Variants in IQCH observed in about 807,000 individuals in gnomAD.
IQCH encodes IQ motif containing H, also known as IQ domain-containing protein H.
In IQCH, 98 loss-of-function variants were observed where a neutral mutation model predicts 117.0. The ratio of observed to expected loss-of-function variants is 0.84; its 90% CI spans 0.71 to 0.99. IQCH has a LOEUF of 0.99. Among genes scored for constraint, IQCH ranks in the 50% least tolerant of loss-of-function variants. The probability of loss-of-function intolerance (pLI) is 0.00; values close to 1 mark genes in which losing one functional copy is unlikely to be tolerated. For synonymous variants in IQCH, 412 were observed against 448.2 expected (o/e 0.92, Z 1.02); for missense variants, 1,102 against 1,243.8 (o/e 0.89, Z 1.72).
Position 67,370,865 on chromosome 15 carries a change from T to G in IQCH, c.754-1246T>G, listed in dbSNP as rs1044875607. 6.6e-6 allele frequency among the ~76,000 whole-genome samples: 1 copy of G among 152,070 alleles called. No individual in the cohort carries two copies. Among genetic ancestry groups the G allele is most frequent in the African/African-American group, 2.4e-5 (1 of 41,410 alleles). Reference sequence around the variant, plus strand: ...CTTGAGATGGCAGTCTAATTAATTATTGTGCGGCCCAGGACCGGAGAAAAG... The same window carrying G: ...CTTGAGATGGCAGTCTAATTAATTAGTGTGCGGCCCAGGACCGGAGAAAAG... On this transcript the variant is annotated intron_variant, in intron 8 of 20. Transcript: ENST00000335894. This position sits in a 1 kb window ranked among gnomAD's most constrained non-coding sequence, Gnocchi z 5.6.
chr15:67,495,316 A>G (rs2083775839), intron 20 of IQCH, among the ~76,000 whole-genome samples: 1 of 152,234 alleles, frequency 6.6e-6, no homozygotes, highest in Non-Finnish European at 1.5e-5. Flanking sequence ...CAAATGTTAC[A>G]TCAGTGTTCA....
rs1309421050 is a variant in IQCH, at chr15:67,385,261, T to C, written c.1456+242T>C. On this transcript the variant is annotated intron_variant, in intron 11 of 20. Coordinates refer to ENST00000335894, the MANE Select transcript of IQCH (RefSeq NM_001031715.3). This position sits in a 1 kb window ranked among gnomAD's most constrained non-coding sequence, Gnocchi z 4.6. ...TTTACTTGGGCAGTTTTCTAGATTA[T>C]CTTTGCTGCAGGTTTGGATCAGAAT... Among the ~76,000 whole-genome samples, 6 of 152,174 alleles carry C rather than the reference T, an allele frequency of 3.9e-5. No individual in the cohort carries two copies. Among genetic ancestry groups the C allele is most frequent in the Admixed American group, 1.3e-4 (2 of 15,266 alleles).
At chr15:67,409,652 A>G (rs1212224760) in intron 14 of IQCH, among the ~76,000 whole-genome samples, 2 of 152,232 alleles carry the variant, frequency 1.3e-5, no homozygotes, top group Non-Finnish European at 2.9e-5. Flanking sequence ...CATTCTGTTT[A>G]ATGAGAGCCG....
chr15:67,423,877 AAAGG>A (rs897680241), intron 16 of IQCH, among the ~76,000 whole-genome samples: 9 of 152,062 alleles, frequency 5.9e-5, no homozygotes, highest in African/African-American at 2.2e-4. Flanking sequence ...AGAAAAGAAA[AAAGG>A]AAGAAGGAGA....
intron 4 of IQCH, among the ~76,000 whole-genome samples, chr15:67,322,975 G>A (rs1469137771): frequency 2.0e-5 from 3 of 152,208 alleles, no homozygotes; most frequent in Non-Finnish European, 4.4e-5. Flanking sequence ...GTAGGTGTAT[G>A]TAAAATAGGT....
rs1054164133 is a variant in IQCH, at chr15:67,407,687, G to A, written c.2097+7382G>A. 4 of 152,156 alleles carry A rather than the reference G, an allele frequency of 2.6e-5. No homozygotes were observed. Among genetic ancestry groups the A allele is most frequent in the Admixed American group, 2.0e-4 (3 of 15,272 alleles). The allele number at this position is 152,156 out of a possible 1,614,324, so 9.4% of individuals were successfully genotyped here. A position where few individuals can be genotyped will look rare whatever the true frequency, so the allele number is the denominator to read the frequency against. Reference sequence around the variant, plus strand: ...CTTACAAAGTACCCTTTGATTTTCTGTCACACGTTAATTACAGCGTTTTGC... The same window carrying A: ...CTTACAAAGTACCCTTTGATTTTCTATCACACGTTAATTACAGCGTTTTGC... On this transcript the variant is annotated intron_variant, in intron 14 of 20. Transcript: ENST00000335894. The surrounding 1 kb of genome is among the most constrained non-coding windows in gnomAD (Gnocchi z 5.3).
intron 3 of IQCH, among the ~76,000 whole-genome samples, chr15:67,271,884 G>C (rs1302929760): frequency 6.6e-6 from 1 of 151,578 alleles, no homozygotes; most frequent in Non-Finnish European, 1.5e-5. Flanking sequence ...TAATTTTGTT[G>C]ATCTTCTGTA....
chr15:67,270,989 C>G (rs1398596518), intron 3 of IQCH, among the ~76,000 whole-genome samples: 1 of 152,200 alleles, frequency 6.6e-6, no homozygotes, highest in Non-Finnish European at 1.5e-5. Flanking sequence ...ATGAATCTCA[C>G]TTGAAGTCTC....
intron 6 of IQCH, among the ~76,000 whole-genome samples, chr15:67,346,585 T>G (rs139835316): frequency 6.6e-6 from 1 of 152,172 alleles, no homozygotes; most frequent in Admixed American, 6.5e-5. Context: ...ATGGTAATGC[T>G]TGCTCACCTG....
chr15:67,485,846 T>C (rs994151555), intron 18 of IQCH, among the ~76,000 whole-genome samples: 4 of 151,452 alleles, frequency 2.6e-5, no homozygotes, highest in East Asian at 1.9e-4. Context: ...TTTGGTAGAA[T>C]TGGGGTTTCA....
chr15:67,333,381 C>A (rs1234776146), intron 4 of IQCH, among the ~76,000 whole-genome samples: 1 of 152,184 alleles, frequency 6.6e-6, no homozygotes, highest in African/African-American at 2.4e-5. Context: ...ATTTTTAATT[C>A]AGAGAAATCT....
At chr15:67,470,542 C>G (rs2083046960) in intron 17 of IQCH, among the ~76,000 whole-genome samples, 1 of 152,072 alleles carries the variant, frequency 6.6e-6, no homozygotes, top group African/African-American at 2.4e-5. Flanking sequence ...CACAGATTTC[C>G]AAGCAAATAA....
At chr15:67,423,508 T>G (rs1432909236) in intron 16 of IQCH, among the ~76,000 whole-genome samples, 1 of 148,884 alleles carries the variant, frequency 6.7e-6, no homozygotes, top group Non-Finnish European at 1.5e-5. Context: ...CACTGTAGCC[T>G]CAACCTCCCA....
Position 67,465,819 on chromosome 15 carries a change from G to A in IQCH, c.2676+522G>A, listed in dbSNP as rs1057481880. Reference sequence around the variant, plus strand: ...CAGCAAGCAGGGCGTGTTGAGTCTAGCTACGAAAATGCCACTAACCTGACC... The same window carrying A: ...CAGCAAGCAGGGCGTGTTGAGTCTAACTACGAAAATGCCACTAACCTGACC... On this transcript the variant is annotated intron_variant, in intron 17 of 20. Coordinates refer to ENST00000335894, the MANE Select transcript of IQCH (RefSeq NM_001031715.3). The surrounding 1 kb of genome is among the most constrained non-coding windows in gnomAD (Gnocchi z 5.9). 6.6e-6 allele frequency among the ~76,000 whole-genome samples: 1 copy of A among 152,162 alleles called. No homozygotes were observed. The highest frequency in any genetic ancestry group is 2.4e-5 in the African/African-American group (1 of 41,424).
In IQCH at chr15:67,500,740, G is replaced by T. The variant is rs751871667; in HGVS notation, c.3078G>T (p.Lys1026Asn). 2.6e-6 allele frequency: 4 copies of T among 1,537,206 alleles called. No homozygotes were observed. Among genetic ancestry groups the T allele is most frequent in the Non-Finnish European group, 3.6e-6 (4 of 1,118,710 alleles). The change falls in exon 21 of 21, where the codon AAG becomes AAT. Residue 1026 changes from lysine to asparagine, a missense_variant. Transcript: ENST00000335894. This position sits in a 1 kb window ranked among gnomAD's most constrained non-coding sequence, Gnocchi z 4.4. ...ATGATAAAAACCTCTCTAAACCCAAGAAATGATCCTGGAATACAGTACATA... is the reference window on the plus strand; with the variant it reads ...ATGATAAAAACCTCTCTAAACCCAATAAATGATCCTGGAATACAGTACATA... ...SKDDKNLSKP[K>N]K
chr15:67,324,160 T>C (rs1283664863), intron 4 of IQCH, among the ~76,000 whole-genome samples: 9 of 151,908 alleles, frequency 5.9e-5, no homozygotes, highest in Admixed American at 5.9e-4. Context: ...GCCAGGCTGC[T>C]GGTCTCGAAC....
rs910245340 is a variant in IQCH, at chr15:67,457,920, C to T, written c.2506-7207C>T. ...CCACCTTACTGCATCTTAGCCTAAA[C>T]GTGATGAGAAGTGGACTGAGCTGCC... is the stretch of plus-strand genomic sequence containing the variant. On this transcript the variant is annotated intron_variant, in intron 16 of 20. Transcript: ENST00000335894. This position sits in a 1 kb window ranked among gnomAD's most constrained non-coding sequence, Gnocchi z 5.7. Among the ~76,000 whole-genome samples, 4 of 152,184 alleles carry T rather than the reference C, an allele frequency of 2.6e-5. No homozygotes were observed. The highest frequency in any genetic ancestry group is 7.2e-5 in the African/African-American group (3 of 41,424).
At chr15:67,271,151 GT>G in intron 3 of IQCH, among the ~76,000 whole-genome samples, 1 of 152,282 alleles carries the variant, frequency 6.6e-6, no homozygotes, top group Middle Eastern at 3.4e-3. Context: ...TGTATTTTTA[GT>G]AGAGACAGGG....
chr15:67,487,698 A>G (rs2083529572), intron 18 of IQCH, among the ~76,000 whole-genome samples: 1 of 152,134 alleles, frequency 6.6e-6, no homozygotes, highest in African/African-American at 2.4e-5. Context: ...TCTAATGTGC[A>G]GCCAGCGTTG....
Sources: allele counts gnomAD v4.1 joint callset (sites outside exome capture counted in the v4.1 genomes callset), GRCh38; gene constraint gnomAD v4.1.1; non-coding constraint Gnocchi (gnomAD v3.1); transcripts MANE v1.5; gene names NCBI Gene and HGNC (gene_info 2026-07-23, HGNC 2026-07-21).